The following XRRA1 variants were observed in gnomAD, a reference collection of about 807,000 sequenced individuals.
The protein encoded by XRRA1 is X-ray radiation resistance associated 1.
In XRRA1, 69 loss-of-function variants were observed where a neutral mutation model predicts 80.2. The observed-to-expected ratio is 0.86, with a 90% CI of 0.71 to 1.05. The LOEUF is 1.05. Among genes scored for constraint, XRRA1 ranks in the 50% least tolerant of loss-of-function variants. The pLI, the probability that XRRA1 is intolerant of heterozygous loss-of-function variation, is 0.00. For missense variants in XRRA1, 967 were observed against 976.4 expected (o/e 0.99, Z 0.13); for synonymous variants, 348 against 389.9 (o/e 0.89, Z 1.27).
chr11:74,944,892 T>C (rs2140067807), intron 2 of XRRA1, 126 bp downstream of exon 2: 1 of 152,770 alleles, frequency 6.5e-6, no homozygotes. Flanking sequence ...AGTAACTTGC[T>C]GGCTGGAAAA....
intron 11 of XRRA1, among the ~76,000 whole-genome samples, chr11:74,861,542 G>T (rs1430106100): frequency 6.6e-6 from 1 of 151,658 alleles, no homozygotes; most frequent in African/African-American, 2.4e-5. Flanking sequence ...ACAAGCTCAA[G>T]GCTCCCACTG....
intron 10 of XRRA1, among the ~76,000 whole-genome samples, chr11:74,890,353 T>C (rs2050306033): frequency 1.3e-5 from 2 of 152,124 alleles, no homozygotes; most frequent in Middle Eastern, 3.4e-3. Context: ...TTAAAACCAA[T>C]GAGAACAAAG....
At chr11:74,852,134 C>G in intron 12 of XRRA1, 52 bp from the exon 13 acceptor site, 1 of 1,482,110 alleles carries the variant, frequency 6.7e-7, no homozygotes, top group Admixed American at 1.7e-5. Flanking sequence ...CTCACCTCTA[C>G]CCAGGTATGT....
chr11:74,872,984 A>C (rs540213230), intron 10 of XRRA1, among the ~76,000 whole-genome samples: 2 of 152,224 alleles, frequency 1.3e-5, no homozygotes, highest in Non-Finnish European at 2.9e-5. Flanking sequence ...TCATGCCTGA[A>C]AGTACCACTC....
At chr11:74,889,198 C>T (rs1565332191) in intron 10 of XRRA1, among the ~76,000 whole-genome samples, 1 of 152,182 alleles carries the variant, frequency 6.6e-6, no homozygotes, top group Non-Finnish European at 1.5e-5. Context: ...AGACTAACAG[C>T]TGATCTCTTG....
intron 11 of XRRA1, among the ~76,000 whole-genome samples, chr11:74,860,479 C>G (rs755114304): frequency 2.0e-5 from 3 of 152,218 alleles, no homozygotes; most frequent in Non-Finnish European, 4.4e-5. Flanking sequence ...ATAACTGGCC[C>G]TGATGGGGGC....
intron 16 of XRRA1, among the ~76,000 whole-genome samples, chr11:74,844,536 G>A (rs1322238028): frequency 6.6e-6 from 1 of 152,198 alleles, no homozygotes; most frequent in Non-Finnish European, 1.5e-5. Flanking sequence ...TAGTATTGGA[G>A]TGGGGGAAAA....
chr11:74,864,204 G>T (rs749845410), intron 10 of XRRA1: 2 of 152,166 alleles, frequency 1.3e-5, no homozygotes, highest in African/African-American at 2.4e-5. Context: ...AACAAAAGCA[G>T]ATTGTTGTGG....
Position 74,843,080 on chromosome 11 carries a change from C to T in XRRA1, c.*120G>A. 9.6e-6 allele frequency: 13 copies of T among 1,352,258 alleles called. No homozygotes were observed. The highest frequency in any genetic ancestry group is 1.3e-5 in the Non-Finnish European group (13 of 1,020,418). The allele number at this position is 1,352,258 out of a possible 1,614,324, so 83.8% of individuals were successfully genotyped here. On this transcript the variant is annotated 3_prime_UTR_variant, in exon 19 of 19. Coordinates refer to ENST00000684022, the MANE Select transcript of XRRA1 (RefSeq NM_001378157.1). ...CCACCTTGTGGCCAGCAAGTGGGGC[C>T]CAGCTGAGCTCTGAGGCCTGTGGCC...
chr11:74,848,424 C>G lies in XRRA1; in HGVS notation c.1419G>C (p.Leu473=), dbSNP rs952669310. The change falls in exon 15 of 19, where the codon CTG becomes CTC. Residue 473 remains leucine (L), a synonymous_variant. Coordinates refer to ENST00000684022, the MANE Select transcript of XRRA1 (RefSeq NM_001378157.1). ...TCGTCATGCGCGGGTGATGGAGCACCAGAGGCTGCTTCGGCACCTTTGGGA... is the reference window on the plus strand; with the variant it reads ...TCGTCATGCGCGGGTGATGGAGCACGAGAGGCTGCTTCGGCACCTTTGGGA... ...SEIPKVPKQP[L]VLHHPRMTTT... is the part of the protein sequence containing the mutation. 6.2e-7 allele frequency: 1 copy of G among 1,612,576 alleles called. No individual in the cohort carries two copies. Among genetic ancestry groups the G allele is most frequent in the African/African-American group, 1.3e-5 (1 of 74,866 alleles).
At chr11:74,870,668 C>T (rs1343828095) in intron 10 of XRRA1, among the ~76,000 whole-genome samples, 1 of 152,154 alleles carries the variant, frequency 6.6e-6, no homozygotes, top group Non-Finnish European at 1.5e-5. Context: ...TCAAGGTCTA[C>T]AGCACCACCT....
At chr11:74,926,907 A>C (rs1418481953) in intron 7 of XRRA1, among the ~76,000 whole-genome samples, 1 of 150,034 alleles carries the variant, frequency 6.7e-6, no homozygotes, top group Admixed American at 6.7e-5. Context: ...GCTCTATCCC[A>C]GCCACCGAGA....
chr11:74,892,285 A>C (rs1244525465), intron 10 of XRRA1, among the ~76,000 whole-genome samples: 1 of 152,224 alleles, frequency 6.6e-6, no homozygotes, highest in Non-Finnish European at 1.5e-5. Flanking sequence ...GACAAACCTG[A>C]CAAAAACAAG....
At position 74,870,915 on chromosome 11, in the gene XRRA1, C is replaced by T. The variant is rs543722570; in HGVS notation, c.1004-7894G>A. ...TCAGTTCCTACATTCTTTTAAGGCA[C>T]TTATTCTGCCTCTCATTAAAATGGT... is the stretch of plus-strand genomic sequence containing the variant. On this transcript the variant is annotated intron_variant, in intron 10 of 18. Coordinates refer to ENST00000684022, the MANE Select transcript of XRRA1 (RefSeq NM_001378157.1). Among the ~76,000 whole-genome samples the T allele has an allele frequency of 2.5e-3, 383 of 152,302 alleles. 2 individuals are homozygous for T. Among genetic ancestry groups the T allele is most frequent in the African/African-American group, 8.9e-3 (370 of 41,552 alleles).
Position 74,852,086 on chromosome 11 carries a change from T to C in XRRA1, c.1171-4A>G. The C allele has an allele frequency of 6.2e-7, 1 of 1,613,054 alleles. No individual in the cohort carries two copies. The highest frequency in any genetic ancestry group is 1.1e-5 in the South Asian group (1 of 91,070). Reference sequence around the variant, plus strand: ...GGACAGCATCCTCTTTTGCGATCTGTAATGAATGCAGGAGAGACTCTCAGG... The same window carrying C: ...GGACAGCATCCTCTTTTGCGATCTGCAATGAATGCAGGAGAGACTCTCAGG... On this transcript the variant is annotated splice_region_variant and splice_polypyrimidine_tract_variant and intron_variant, in intron 12 of 18. Coordinates refer to ENST00000684022, the MANE Select transcript of XRRA1 (RefSeq NM_001378157.1).
rs1183249162 is a variant in XRRA1, at chr11:74,841,340, A to G, written c.*1860T>C. On this transcript the variant is annotated 3_prime_UTR_variant, in exon 19 of 19. Coordinates refer to ENST00000684022, the MANE Select transcript of XRRA1 (RefSeq NM_001378157.1). ...AGATTCTAGGGAAAGTGCTGAAGAG[A>G]TTTTCTTCTGAAGATGATCTAGGAA... 7 of 152,064 alleles carry G rather than the reference A, an allele frequency of 4.6e-5. No individual in the cohort carries two copies. The highest frequency in any genetic ancestry group is 2.0e-4 in the Admixed American group (3 of 15,278). 9.4% of individuals were successfully genotyped at this position (152,064 alleles called of 1,614,324 possible). A position where few individuals can be genotyped will look rare whatever the true frequency, so the allele number is the denominator to read the frequency against.
intron 15 of XRRA1, among the ~76,000 whole-genome samples, chr11:74,846,513 GAAT>G (rs2038206139): frequency 1.3e-5 from 2 of 152,294 alleles, no homozygotes; most frequent in African/African-American, 4.8e-5. Flanking sequence ...TATCACTTAT[GAAT>G]ATAAATGCAA....
chr11:74,881,680 G>A (rs1308285009), intron 10 of XRRA1, among the ~76,000 whole-genome samples: 2 of 152,096 alleles, frequency 1.3e-5, no homozygotes, highest in African/African-American at 2.4e-5. Flanking sequence ...AATCCCTTCA[G>A]GAGCTCTTGT....
chr11:74,946,135 A>G (rs144690200), intron 1 of XRRA1, among the ~76,000 whole-genome samples: 266 of 151,956 alleles, frequency 1.8e-3, no homozygotes, highest in African/African-American at 6.1e-3. Context: ...CTAAATTTCT[A>G]TATTTTTGAT....
Sources: gnomAD v4.1 joint callset for allele counts (sites outside exome capture counted in the v4.1 genomes callset) on GRCh38, gnomAD v4.1.1 for gene constraint, MANE v1.5 for transcripts, NCBI Gene and HGNC (gene_info 2026-07-23, HGNC 2026-07-21) for gene names.